MEMO1: variants seen among roughly 807,000 people sequenced by gnomAD.
The protein encoded by MEMO1 is protein MEMO1.
A neutral mutation model predicts 45.2 loss-of-function variants in MEMO1; 6 were observed. The observed-to-expected ratio is 0.13, with a 90% CI of 0.07 to 0.26. MEMO1 has a LOEUF of 0.26. MEMO1 is among the 10% of genes least tolerant of loss of function. The probability of loss-of-function intolerance (pLI) is 1.00; values close to 1 mark genes in which losing one functional copy is unlikely to be tolerated. For synonymous variants in MEMO1, 78 were observed against 124.3 expected, an observed-to-expected ratio of 0.63 and a Z score of 2.48; for missense variants, 184 against 370.5, an observed-to-expected ratio of 0.50 and a Z score of 4.13.
At chr2:31,915,026 G>A (rs1681221557) in intron 6 of MEMO1, among the ~76,000 whole-genome samples, 1 of 151,740 alleles carries the variant, frequency 6.6e-6, no homozygotes, top group Admixed American at 6.6e-5. Flanking sequence ...CATTGCTTTG[G>A]GAGGCTGAGG....
intron 6 of MEMO1, among the ~76,000 whole-genome samples, chr2:31,909,217 C>G (rs1680226886): frequency 1.3e-5 from 2 of 152,180 alleles, no homozygotes; most frequent in African/African-American, 4.8e-5. Flanking sequence ...AGGATGCCCA[C>G]TTTCACCACT....
At chr2:31,983,459 G>C (rs895993527) in intron 2 of MEMO1, among the ~76,000 whole-genome samples, 1 of 152,044 alleles carries the variant, frequency 6.6e-6, no homozygotes, top group Non-Finnish European at 1.5e-5. Context: ...TTGAGACAGA[G>C]TTTCGCTCTT....
At chr2:31,973,586 T>C (rs1410920972) in intron 2 of MEMO1, among the ~76,000 whole-genome samples, 2 of 152,024 alleles carry the variant, frequency 1.3e-5, no homozygotes. Context: ...AGCAGATAAA[T>C]GGAAAAACAA....
At chr2:31,910,721 A>G (rs1241345219) in intron 6 of MEMO1, among the ~76,000 whole-genome samples, 2 of 152,110 alleles carry the variant, frequency 1.3e-5, no homozygotes, top group African/African-American at 4.8e-5. Context: ...TTAGCCAGGC[A>G]TGGTGGTGCA....
intron 6 of MEMO1, among the ~76,000 whole-genome samples, chr2:31,902,424 C>T (rs1052898907): frequency 2.0e-5 from 3 of 151,884 alleles, no homozygotes; most frequent in African/African-American, 7.3e-5. Flanking sequence ...AATCATTGAA[C>T]TCTTACATGA....
At chr2:31,925,475 CAAAAAAA>C (rs70964741) in intron 4 of MEMO1, among the ~76,000 whole-genome samples, 34 of 79,236 alleles carry the variant, frequency 4.3e-4, no homozygotes, top group African/African-American at 1.8e-3. Context: ...GACTCCGTCT[CAAAAAAA>C]AAAAAAAAAA....
At chr2:31,982,866 T>C (rs1670817342) in intron 2 of MEMO1, among the ~76,000 whole-genome samples, 1 of 152,058 alleles carries the variant, frequency 6.6e-6, no homozygotes, top group Admixed American at 6.6e-5. Context: ...AAGTTACAGA[T>C]AAGTACAGGG....
At chr2:31,881,160 A>C (rs1675303879) in intron 8 of MEMO1, among the ~76,000 whole-genome samples, 1 of 152,160 alleles carries the variant, frequency 6.6e-6, no homozygotes, top group African/African-American at 2.4e-5. Flanking sequence ...ATATTTAAAA[A>C]TTCTGTGTTT....
intron 8 of MEMO1, among the ~76,000 whole-genome samples, chr2:31,873,922 A>AT (rs1372657604): frequency 6.6e-6 from 1 of 152,154 alleles, no homozygotes; most frequent in Non-Finnish European, 1.5e-5. Flanking sequence ...TGGCTATCTT[A>AT]TAAGTGATGT....
At position 31,869,997 on chromosome 2, in the gene MEMO1, A is replaced by C. The variant is rs569293754; in HGVS notation, c.658-45T>G. On this transcript the variant is annotated intron_variant, in intron 8 of 9. Transcript: ENST00000404530. ...AGAGGAAGAAAAAAATAAAAGAAGA[A>C]GACAATATTTATTATTTCCTAATTA... 32 of 1,341,580 alleles carry C rather than the reference A, an allele frequency of 2.4e-5. No individual in the cohort carries two copies. In the Admixed American group the frequency reaches 3.0e-4, roughly 12 times the overall value. 83.1% of individuals were successfully genotyped at this position (1,341,580 alleles called of 1,614,324 possible). A position where few individuals can be genotyped will look rare whatever the true frequency, so the allele number is the denominator to read the frequency against.
chr2:32,002,524 A>G (rs1357704984), intron 2 of MEMO1, among the ~76,000 whole-genome samples: 1 of 151,952 alleles, frequency 6.6e-6, no homozygotes, highest in Non-Finnish European at 1.5e-5. Flanking sequence ...TTCGGGCAGC[A>G]TATTTTCCCA....
chr2:31,934,730 T>C (rs1002169581), intron 3 of MEMO1, among the ~76,000 whole-genome samples: 8 of 152,164 alleles, frequency 5.3e-5, no homozygotes, highest in African/African-American at 1.9e-4. Context: ...CTGTGAGCTC[T>C]TGGGCAGGGG....
chr2:31,956,558 C>A lies in MEMO1; in HGVS notation c.62-13175G>T, dbSNP rs569262868. Among the ~76,000 whole-genome samples, 13 of 152,246 alleles carry A rather than the reference C, an allele frequency of 8.5e-5. No individual in the cohort carries two copies. The South Asian group carries it at 2.7e-3, about 32-fold the overall frequency. ...ACCATGTAAAATGTGGTAAGAGAGGCTGTAATGATTGCACATGGGTGAACT... is the reference window on the plus strand; with the variant it reads ...ACCATGTAAAATGTGGTAAGAGAGGATGTAATGATTGCACATGGGTGAACT... On this transcript the variant is annotated intron_variant, in intron 2 of 9. Coordinates refer to ENST00000404530, the MANE Select transcript of MEMO1 (RefSeq NM_001301833.4).
chr2:31,876,479 A>G (rs538433091), intron 8 of MEMO1, among the ~76,000 whole-genome samples: 14 of 152,316 alleles, frequency 9.2e-5, no homozygotes, highest in Non-Finnish European at 1.6e-4. Context: ...AAATTAACAC[A>G]TATCTCCTCC....
At chr2:31,991,429 G>A (rs1234395835) in intron 2 of MEMO1, among the ~76,000 whole-genome samples, 2 of 152,002 alleles carry the variant, frequency 1.3e-5, no homozygotes, top group East Asian at 3.9e-4. Flanking sequence ...AAATTAGCTG[G>A]GTGTGGTGGC....
At chr2:31,994,085 C>T (rs1199256965) in intron 2 of MEMO1, among the ~76,000 whole-genome samples, 1 of 149,658 alleles carries the variant, frequency 6.7e-6, no homozygotes, top group African/African-American at 2.5e-5. Context: ...CTCAGCCCCC[C>T]GAGCAGCTGG....
intron 6 of MEMO1, among the ~76,000 whole-genome samples, chr2:31,910,922 GAC>G: frequency 6.6e-6 from 1 of 151,566 alleles, no homozygotes; most frequent in African/African-American, 2.4e-5. Context: ...AAAACTAAAA[GAC>G]AGTAATAAAA....
intron 4 of MEMO1, among the ~76,000 whole-genome samples, chr2:31,921,977 C>G (rs1243910955): frequency 6.6e-6 from 1 of 152,152 alleles, no homozygotes; most frequent in Non-Finnish European, 1.5e-5. Flanking sequence ...AATACCCAAA[C>G]CTGCCCTACA....
chr2:31,958,236 C>A (rs1216111080), intron 2 of MEMO1, among the ~76,000 whole-genome samples: 2 of 152,160 alleles, frequency 1.3e-5, no homozygotes, highest in East Asian at 3.9e-4. Context: ...TGTATCCACT[C>A]TGCCAAACAC....
Sources: gnomAD v4.1 joint callset for allele counts (sites outside exome capture counted in the v4.1 genomes callset) on GRCh38, gnomAD v4.1.1 for gene constraint, MANE v1.5 for transcripts, NCBI Gene and HGNC (gene_info 2026-07-23, HGNC 2026-07-21) for gene names.